The following ECT2 variants were observed in gnomAD, a reference collection of about 807,000 sequenced individuals.
ECT2 encodes the protein protein ECT2.
A neutral mutation model predicts 116.9 loss-of-function variants in ECT2; 61 were observed. The ratio of observed to expected loss-of-function variants is 0.52; its 90% confidence interval spans 0.42 to 0.65. ECT2 has a LOEUF of 0.65. Among genes scored for constraint, ECT2 ranks in the 30% least tolerant of loss-of-function variants. The pLI, the probability that ECT2 is intolerant of heterozygous loss-of-function variation, is 0.00. For missense variants in ECT2, 937 were observed against 1,078.7 expected (o/e 0.87, Z 1.84); for synonymous variants, 358 against 346.4 (o/e 1.03, Z -0.37).
chr3:172,762,984 AC>A lies in ECT2; in HGVS notation c.1068+16del. 5.6e-6 allele frequency: 9 copies of A among 1,612,940 alleles called. No homozygotes were observed. Among genetic ancestry groups the A allele is most frequent in the Non-Finnish European group, 7.6e-6 (9 of 1,179,436 alleles). ...ATTTATATGAAAAGGTATGCTTTTA[AC>A]CCCTTACTTATTTGTTCTGTGAGCT... On this transcript the variant is annotated intron_variant, in intron 11 of 24. Coordinates refer to ENST00000392692, the MANE Select transcript of ECT2 (RefSeq NM_001258315.2).
chr3:172,776,615 T>C (rs927534875), intron 14 of ECT2, among the ~76,000 whole-genome samples: 1 of 152,204 alleles, frequency 6.6e-6, no homozygotes, highest in African/African-American at 2.4e-5. Context: ...AGTCATCTAA[T>C]AAATGCTGGA....
At chr3:172,793,943 G>A (rs1725154245) in intron 18 of ECT2, among the ~76,000 whole-genome samples, 1 of 151,578 alleles carries the variant, frequency 6.6e-6, no homozygotes, top group Admixed American at 6.6e-5. Context: ...AAAAAAAATT[G>A]TGTTTTTTTT....
chr3:172,808,861 T>G (rs181316604), intron 22 of ECT2, among the ~76,000 whole-genome samples: 54 of 152,270 alleles, frequency 3.5e-4, no homozygotes, highest in Non-Finnish European at 3.8e-4. Flanking sequence ...AAAACCTCCT[T>G]CCAAAGTATT....
At chr3:172,810,989 AAGTC>A (rs919235777) in intron 22 of ECT2, among the ~76,000 whole-genome samples, 4 of 152,168 alleles carry the variant, frequency 2.6e-5, no homozygotes, top group African/African-American at 9.7e-5. Context: ...TACTTTGAAT[AAGTC>A]AGAAAATGTT....
At chr3:172,802,516 A>C (rs1052198929) in intron 18 of ECT2, 100 bp from the exon 19 acceptor site, 1 of 711,112 alleles carries the variant, frequency 1.4e-6, no homozygotes, top group African/African-American at 1.9e-5. Context: ...TTCACTTATC[A>C]AAATAAGACA....
chr3:172,807,603 A>T, intron 21 of ECT2, 167 bp from the exon 22 acceptor site: 3 of 700,544 alleles, frequency 4.3e-6, no homozygotes, highest in Non-Finnish European at 6.9e-6. Flanking sequence ...CAGTACTTCA[A>T]CTTAATATGG....
intron 12 of ECT2, 119 bp from the exon 13 acceptor site, chr3:172,768,888 C>T: frequency 8.5e-7 from 1 of 1,179,002 alleles, no homozygotes; most frequent in Non-Finnish European, 1.1e-6. Flanking sequence ...TATTGGAAAT[C>T]TGTATGGTGG....
chr3:172,808,006 CTTGT>C (rs1404561338), intron 22 of ECT2, 82 bp downstream of exon 22: 24 of 1,311,730 alleles, frequency 1.8e-5, no homozygotes, highest in Non-Finnish European at 2.3e-5. Flanking sequence ...TTTTTAATGA[CTTGT>C]TTATTATGAA....
chr3:172,779,087 C>T (rs149759557), intron 14 of ECT2, among the ~76,000 whole-genome samples: 32 of 152,212 alleles, frequency 2.1e-4, no homozygotes, highest in African/African-American at 7.7e-4. Context: ...TAGTTATGCT[C>T]ATAAAATCCT....
chr3:172,783,037 GTT>G (rs1722996995), intron 15 of ECT2, among the ~76,000 whole-genome samples: 1 of 151,944 alleles, frequency 6.6e-6, no homozygotes. Flanking sequence ...TCCCTTCTTA[GTT>G]GATAACACTT....
intron 18 of ECT2, among the ~76,000 whole-genome samples, chr3:172,799,300 A>G (rs1050931155): frequency 6.6e-6 from 1 of 152,218 alleles, no homozygotes; most frequent in African/African-American, 2.4e-5. Flanking sequence ...TGCATGGGCC[A>G]CATAAAAAGT....
At chr3:172,778,588 C>CTTTTTTTTTTTTTTTTTTTTTTTTTT (rs5854485) in intron 14 of ECT2, among the ~76,000 whole-genome samples, 1 of 59,778 alleles carries the variant, frequency 1.7e-5, no homozygotes, top group Non-Finnish European at 3.1e-5. Context: ...TATTAGCTAT[C>CTTTTTTTTTTTTTTTTTTTTTTTTTT]TTTTTTTTTT....
At chr3:172,823,755 CAAAAA>C (rs917462924), downstream of ECT2, among the ~76,000 whole-genome samples, 5 of 150,498 alleles carry the variant, frequency 3.3e-5, no homozygotes, top group Admixed American at 6.6e-5. Flanking sequence ...TGATTGCTTA[CAAAAA>C]AAAAGTTAAA....
chr3:172,808,929 A>G lies in ECT2; in HGVS notation c.2400+1005A>G, dbSNP rs1284527664. 2.0e-5 allele frequency among the ~76,000 whole-genome samples: 3 copies of G among 152,280 alleles called. No homozygotes were observed. In the East Asian group the frequency reaches 5.8e-4, roughly 29 times the overall value. The stretch of plus-strand genomic sequence containing the variant: ...GTGTGTGTTTAGATTTCTATGGACC[A>G]ATAATATGTTCTTATAAATAAAAAA... On this transcript the variant is annotated intron_variant, in intron 22 of 24. Coordinates refer to ENST00000392692, the MANE Select transcript of ECT2 (RefSeq NM_001258315.2).
At chr3:172,800,711 A>G (rs1369366758) in intron 18 of ECT2, among the ~76,000 whole-genome samples, 1 of 152,144 alleles carries the variant, frequency 6.6e-6, no homozygotes, top group African/African-American at 2.4e-5. Flanking sequence ...TCTCTGTATG[A>G]CTGATTTGGG....
At chr3:172,767,324 CCAG>C (rs1719647825) in intron 12 of ECT2, among the ~76,000 whole-genome samples, 1 of 151,958 alleles carries the variant, frequency 6.6e-6, no homozygotes, top group South Asian at 2.1e-4. Flanking sequence ...GCCTGTAATC[CCAG>C]CTACTCAGGA....
chr3:172,824,213 T>C (rs2109464508), downstream of ECT2, among the ~76,000 whole-genome samples: 1 of 152,362 alleles, frequency 6.6e-6, no homozygotes, highest in African/African-American at 2.4e-5. Context: ...CTGCTATAAA[T>C]ACCTGAGACT....
intron 18 of ECT2, 152 bp downstream of exon 18, chr3:172,786,726 G>A (rs1723669489): frequency 1.7e-6 from 1 of 579,974 alleles, no homozygotes; most frequent in Non-Finnish European, 3.1e-6. Context: ...TTAAAATGAA[G>A]TATTGTAAGA....
the ECT2 span, chr3:172,828,796 GC>G: frequency 1.6e-5 from 11 of 705,316 alleles, no homozygotes; most frequent in Admixed American, 2.0e-4. Flanking sequence ...CCTCAGACAG[GC>G]CAACGCCCAG....
Sources: allele counts gnomAD v4.1 joint callset (sites outside exome capture counted in the v4.1 genomes callset), GRCh38; gene constraint gnomAD v4.1.1; transcripts MANE v1.5; gene names NCBI Gene and HGNC (gene_info 2026-07-23, HGNC 2026-07-21).